Variants in TMEM131 observed in about 807,000 individuals in gnomAD.
The protein encoded by TMEM131 is 2610524E03Rik.
A neutral mutation model predicts 211.6 loss-of-function variants in TMEM131; 66 were observed. The ratio of observed to expected loss-of-function variants is 0.31; its 90% CI spans 0.26 to 0.38. The LOEUF (loss-of-function observed/expected upper bound fraction) is 0.38. Ranked by LOEUF, TMEM131 falls within the 10% of genes least tolerant of loss-of-function variation. The pLI, the probability that TMEM131 is intolerant of heterozygous loss-of-function variation, is 1.00. For synonymous variants in TMEM131, 844 were observed against 841.3 expected, an observed-to-expected ratio of 1.00 and a Z score of -0.06; for missense variants, 2,036 against 2,299.3, an observed-to-expected ratio of 0.89 and a Z score of 2.34.
At chr2:97,836,941 T>C (rs1027978163) in intron 8 of TMEM131, 136 bp downstream of exon 8, 1 of 716,548 alleles carries the variant, frequency 1.4e-6, no homozygotes, top group Non-Finnish European at 2.3e-6. Context: ...ATACTTGACA[T>C]AAATTAACAT....
intron 33 of TMEM131, among the ~76,000 whole-genome samples, chr2:97,767,272 T>C (rs1016990515): frequency 1.3e-5 from 2 of 152,196 alleles, no homozygotes; most frequent in Non-Finnish European, 2.9e-5. Flanking sequence ...ATAATAAGCA[T>C]GTATAAATAT....
At chr2:97,896,602 T>TA (rs1471852671) in intron 3 of TMEM131, among the ~76,000 whole-genome samples, 7 of 152,196 alleles carry the variant, frequency 4.6e-5, no homozygotes, top group Admixed American at 3.9e-4. Context: ...TTGATCCCTT[T>TA]ACCATTATGT....
intron 5 of TMEM131, among the ~76,000 whole-genome samples, chr2:97,845,256 T>C (rs775415550): frequency 2.0e-5 from 3 of 151,960 alleles, no homozygotes; most frequent in Non-Finnish European, 4.4e-5. Flanking sequence ...GGCTCACCCA[T>C]GGCAGAGAAG....
chr2:97,892,826 G>A (rs1420771235), intron 3 of TMEM131, among the ~76,000 whole-genome samples: 6 of 152,170 alleles, frequency 3.9e-5, no homozygotes, highest in Admixed American at 3.9e-4. Flanking sequence ...TGGCGATGGT[G>A]TGAGTTAAAG....
chr2:97,960,148 T>A (rs1678753277), intron 1 of TMEM131, among the ~76,000 whole-genome samples: 1 of 62,408 alleles, frequency 1.6e-5, no homozygotes, highest in African/African-American at 1.0e-4. Flanking sequence ...TTTCCCTTTG[T>A]AATAGATAAT....
At chr2:97,894,514 C>T (rs1400863959) in intron 3 of TMEM131, among the ~76,000 whole-genome samples, 1 of 152,162 alleles carries the variant, frequency 6.6e-6, no homozygotes, top group Admixed American at 6.5e-5. Flanking sequence ...TATCCATAAG[C>T]ATGGAAAGTT....
At chr2:97,810,750 C>T (rs765836594) in intron 18 of TMEM131, among the ~76,000 whole-genome samples, 4 of 152,116 alleles carry the variant, frequency 2.6e-5, no homozygotes, top group Admixed American at 1.3e-4. Context: ...TTTTATCTTC[C>T]TTTTCAGAAA....
At chr2:97,822,564 TA>T (rs1215354426) in intron 11 of TMEM131, among the ~76,000 whole-genome samples, 1 of 152,196 alleles carries the variant, frequency 6.6e-6, no homozygotes, top group Non-Finnish European at 1.5e-5. Flanking sequence ...TAAGGGCCAC[TA>T]AATCTGATTT....
At position 97,756,968 on chromosome 2, in the gene TMEM131, T is replaced by A. The variant is rs1228488926; in HGVS notation, c.*131A>T. On this transcript the variant is annotated 3_prime_UTR_variant, in exon 41 of 41. Coordinates refer to ENST00000186436, the MANE Select transcript of TMEM131 (RefSeq NM_015348.2). ...AGCGAGTGGTCTGAGCCTGCCCTGC[T>A]TGGGTCTGTTTTGCAAAGAAGAGGA... The A allele has an allele frequency of 1.8e-6, 2 of 1,092,848 alleles. No homozygotes were observed. Among genetic ancestry groups the A allele is most frequent in the African/African-American group, 3.2e-5 (2 of 62,968 alleles). 67.7% of individuals were successfully genotyped at this position (1,092,848 alleles called of 1,614,324 possible).
intron 1 of TMEM131, among the ~76,000 whole-genome samples, chr2:97,988,671 C>T (rs947394721): frequency 9.2e-5 from 14 of 152,060 alleles, no homozygotes; most frequent in African/African-American, 2.4e-4. Context: ...TATGAAAAGA[C>T]GCTCAATATC....
intron 1 of TMEM131, among the ~76,000 whole-genome samples, chr2:97,966,982 G>A (rs2104587367): frequency 6.6e-6 from 1 of 152,152 alleles, no homozygotes; most frequent in Non-Finnish European, 1.5e-5. Flanking sequence ...TTCCAGGGGT[G>A]TTCACAGGTG....
At chr2:97,821,714 T>A (rs1682129848) in intron 11 of TMEM131, among the ~76,000 whole-genome samples, 1 of 152,214 alleles carries the variant, frequency 6.6e-6, no homozygotes, top group Admixed American at 6.5e-5. Flanking sequence ...CTTGCTATTC[T>A]GTCCTATTTT....
intron 1 of TMEM131, among the ~76,000 whole-genome samples, chr2:97,968,156 T>C (rs1679137774): frequency 6.6e-6 from 1 of 152,094 alleles, no homozygotes; most frequent in African/African-American, 2.4e-5. Flanking sequence ...AATTGTGTCA[T>C]TATCTTTCTA....
At chr2:97,954,440 C>A (rs373099192) in intron 1 of TMEM131, among the ~76,000 whole-genome samples, 4 of 152,134 alleles carry the variant, frequency 2.6e-5, no homozygotes, top group Non-Finnish European at 5.9e-5. Flanking sequence ...CCACAAACTA[C>A]CAAAGCTCAA....
chr2:97,809,221 TA>T (rs1205709961), intron 19 of TMEM131, among the ~76,000 whole-genome samples: 2 of 152,190 alleles, frequency 1.3e-5, no homozygotes, highest in Non-Finnish European at 2.9e-5. Flanking sequence ...TTTTCTCTCT[TA>T]AAACTTTTCT....
intron 31 of TMEM131, among the ~76,000 whole-genome samples, chr2:97,779,561 CA>C (rs1448144106): frequency 6.6e-6 from 1 of 152,208 alleles, no homozygotes; most frequent in Non-Finnish European, 1.5e-5. Context: ...CAGTAGTTCT[CA>C]AAGTGTCCCC....
chr2:97,890,466 T>A (rs1008780652), intron 3 of TMEM131, among the ~76,000 whole-genome samples: 4 of 152,220 alleles, frequency 2.6e-5, no homozygotes, highest in African/African-American at 7.2e-5. Context: ...TTTCACTGGA[T>A]ACACAGTCAT....
At chr2:97,962,070 C>A (rs575150260) in intron 1 of TMEM131, among the ~76,000 whole-genome samples, 1 of 152,234 alleles carries the variant, frequency 6.6e-6, no homozygotes, top group South Asian at 2.1e-4. Flanking sequence ...GAGAAACACA[C>A]AGGAGAAAAT....
intron 17 of TMEM131, among the ~76,000 whole-genome samples, chr2:97,811,687 G>C (rs1232199686): frequency 6.6e-6 from 1 of 152,196 alleles, no homozygotes; most frequent in Non-Finnish European, 1.5e-5. Context: ...CAAAACACCA[G>C]ACCTATGGCA....
Sources: gnomAD v4.1 joint callset for allele counts (sites outside exome capture counted in the v4.1 genomes callset) on GRCh38, gnomAD v4.1.1 for gene constraint, MANE v1.5 for transcripts, NCBI Gene and HGNC (gene_info 2026-07-23, HGNC 2026-07-21) for gene names.